HLCS: variants seen among roughly 807,000 people sequenced by gnomAD.
HLCS encodes biotin--protein ligase.
A neutral mutation model predicts 75.0 loss-of-function variants in HLCS; 53 were observed. The ratio of observed to expected loss-of-function variants is 0.71; its 90% CI spans 0.57 to 0.89. The LOEUF (loss-of-function observed/expected upper bound fraction) is 0.89. Among genes scored for constraint, HLCS ranks in the 40% least tolerant of loss-of-function variants. The pLI, the probability that HLCS is intolerant of heterozygous loss-of-function variation, is 0.00. For synonymous variants in HLCS, 431 were observed against 428.6 expected, an observed-to-expected ratio of 1.01 and a Z score of -0.07; for missense variants, 966 against 1,074.0, an observed-to-expected ratio of 0.90 and a Z score of 1.41.
intron 6 of HLCS, among the ~76,000 whole-genome samples, chr21:36,785,060 G>A (rs759724830): frequency 2.8e-4 from 43 of 152,042 alleles, no homozygotes; most frequent in African/African-American, 7.7e-4. Context: ...AGGTACCGTC[G>A]CCTTCGGGGT....
intron 6 of HLCS, among the ~76,000 whole-genome samples, chr21:36,798,932 T>C (rs906014988): frequency 3.3e-5 from 5 of 152,264 alleles, no homozygotes; most frequent in African/African-American, 1.2e-4. Context: ...TATATGTCCT[T>C]TGTCAGATAT....
At chr21:36,946,057 G>A in intron 2 of HLCS, 1 of 966,420 alleles carries the variant, frequency 1.0e-6, no homozygotes, top group African/African-American at 1.8e-5. Flanking sequence ...TAAAGTGCCT[G>A]GGCCACAAGG....
At chr21:36,894,421 C>T (rs574001526) in intron 6 of HLCS, among the ~76,000 whole-genome samples, 4 of 152,204 alleles carry the variant, frequency 2.6e-5, no homozygotes, top group Admixed American at 6.5e-5. Context: ...CCATCTATCT[C>T]GTGGTCCCTC....
At chr21:36,918,154 C>T (rs956479671) in intron 5 of HLCS, among the ~76,000 whole-genome samples, 1 of 152,194 alleles carries the variant, frequency 6.6e-6, no homozygotes, top group Admixed American at 6.5e-5. Context: ...TGCTTTCTTA[C>T]ATAGCACCCC....
At chr21:36,889,174 A>G (rs963294238) in intron 6 of HLCS, among the ~76,000 whole-genome samples, 1 of 152,260 alleles carries the variant, frequency 6.6e-6, no homozygotes, top group Non-Finnish European at 1.5e-5. Flanking sequence ...TGAAACATCA[A>G]GGGACTCAAA....
chr21:36,962,726 G>A (rs527340331), intron 1 of HLCS, among the ~76,000 whole-genome samples: 12 of 144,418 alleles, frequency 8.3e-5, no homozygotes, highest in Admixed American at 1.5e-4. Context: ...CTGGGAGCCC[G>A]AGGTTGCAGT....
In HLCS at chr21:36,753,247, C is replaced by T. The variant is rs547608918; in HGVS notation, c.*999G>A. 2.0e-5 allele frequency: 3 copies of T among 152,652 alleles called. No individual in the cohort carries two copies. Among genetic ancestry groups the T allele is most frequent in the South Asian group, 2.1e-4 (1 of 4,814 alleles). 9.5% of individuals were successfully genotyped at this position (152,652 alleles called of 1,614,324 possible). Reference sequence around the variant, plus strand: ...GATAACATTTTCTTTCTTGGTAATACGAGGTAAATGAGGGGGGCAAAAACT... The same window carrying T: ...GATAACATTTTCTTTCTTGGTAATATGAGGTAAATGAGGGGGGCAAAAACT... On this transcript the variant is annotated 3_prime_UTR_variant, in exon 11 of 11. Coordinates refer to ENST00000674895, the MANE Select transcript of HLCS (RefSeq NM_001352514.2). This position sits in a 1 kb window ranked among gnomAD's most constrained non-coding sequence, Gnocchi z 4.3.
intron 7 of HLCS, among the ~76,000 whole-genome samples, chr21:36,765,829 T>C (rs1293067834): frequency 6.6e-6 from 1 of 152,132 alleles, no homozygotes; most frequent in Non-Finnish European, 1.5e-5. Flanking sequence ...GTATTTTTAG[T>C]AGAGACAGGG....
chr21:36,780,786 G>C (rs1343484522), intron 6 of HLCS, among the ~76,000 whole-genome samples: 1 of 152,116 alleles, frequency 6.6e-6, no homozygotes, highest in Admixed American at 6.5e-5. Context: ...AGAGATACCT[G>C]TTTCCCTACA....
At chr21:36,989,840 T>G (rs1469305861) in intron 1 of HLCS, among the ~76,000 whole-genome samples, 1 of 152,094 alleles carries the variant, frequency 6.6e-6, no homozygotes, top group Non-Finnish European at 1.5e-5. Flanking sequence ...ACCCAGGTTC[T>G]CAGGCCGCGT....
At chr21:36,906,444 G>A (rs2065458580) in intron 5 of HLCS, among the ~76,000 whole-genome samples, 1 of 152,140 alleles carries the variant, frequency 6.6e-6, no homozygotes, top group Admixed American at 6.5e-5. Context: ...TGAGGTGAGA[G>A]GATCACTTGA....
At chr21:36,764,937 C>A in intron 8 of HLCS, 75 bp downstream of exon 8, 2 of 1,503,114 alleles carry the variant, frequency 1.3e-6, no homozygotes, top group Non-Finnish European at 1.8e-6. Context: ...ATTATGCAAG[C>A]ACATGCTATA....
intron 6 of HLCS, among the ~76,000 whole-genome samples, chr21:36,785,065 C>T (rs561900075): frequency 1.3e-5 from 2 of 152,238 alleles, no homozygotes; most frequent in African/African-American, 4.8e-5. Flanking sequence ...CCGTCGCCTT[C>T]GGGGTAATGA....
In HLCS at chr21:36,855,254, C is replaced by T. The variant is rs760618240; in HGVS notation, c.1892+41606G>A. Among the ~76,000 whole-genome samples the T allele has an allele frequency of 1.9e-4, 29 of 152,062 alleles. No individual in the cohort carries two copies. The South Asian group carries it at 4.0e-3, about 21-fold the overall frequency. ...AAATCCAACTTCAAGAAGTTGGCCA[C>T]GCATGGTGGCTCACGCCTGTAATCC... On this transcript the variant is annotated intron_variant, in intron 6 of 10. Coordinates refer to ENST00000674895, the MANE Select transcript of HLCS (RefSeq NM_001352514.2).
At chr21:36,767,307 C>T (rs778607422) in intron 6 of HLCS, 22 bp from the exon 7 acceptor site, 97 of 1,613,128 alleles carry the variant, frequency 6.0e-5, no homozygotes, top group Non-Finnish European at 7.6e-5. Flanking sequence ...GGGGAAAGAC[C>T]GGTTAGGCCA....
chr21:36,970,697 ATG>A (rs1398813304), upstream of HLCS, among the ~76,000 whole-genome samples: 3 of 151,690 alleles, frequency 2.0e-5, no homozygotes, highest in Non-Finnish European at 4.4e-5. Flanking sequence ...CCAAGGAACT[ATG>A]TAGAAAATCT....
Position 36,930,338 on chromosome 21 carries a change from A to C in HLCS, c.1533T>G (p.Leu511=). ...GGCCAAGGGTTGTCAGAATCTCTCT[A>C]AGGACTTCGTATCTTCTAAAATTGC... The part of the protein sequence containing the change: ...KSSNFRRYEV[L]REILTTLGLS... Residue 511 remains leucine (L), a synonymous_variant, in exon 5 of 11, where the codon CTT becomes CTG. Coordinates refer to ENST00000674895, the MANE Select transcript of HLCS (RefSeq NM_001352514.2). The C allele has an allele frequency of 1.2e-6, 2 of 1,614,100 alleles. 1 individual carries two copies. The highest frequency in any genetic ancestry group is 2.2e-5 in the South Asian group (2 of 91,074).
intron 5 of HLCS, among the ~76,000 whole-genome samples, chr21:36,909,134 T>C (rs1201098226): frequency 1.3e-5 from 2 of 151,968 alleles, no homozygotes; most frequent in African/African-American, 4.8e-5. Flanking sequence ...GAAGCGGAGT[T>C]TGCAGTGAGC....
intron 6 of HLCS, among the ~76,000 whole-genome samples, chr21:36,884,246 G>A (rs567206021): frequency 2.0e-5 from 3 of 152,318 alleles, no homozygotes; most frequent in Admixed American, 6.5e-5. Flanking sequence ...TTCCAAGAAG[G>A]TTTGCATCTT....
Sources: gnomAD v4.1 joint callset for allele counts (sites outside exome capture counted in the v4.1 genomes callset) on GRCh38, gnomAD v4.1.1 for gene constraint, Gnocchi (gnomAD v3.1) non-coding constraint, MANE v1.5 for transcripts, NCBI Gene and HGNC (gene_info 2026-07-23, HGNC 2026-07-21) for gene names.